Variants in TSC22D1 observed in about 807,000 individuals in gnomAD.
TSC22D1 encodes TSC22 domain family member 1.
A neutral mutation model predicts 74.2 loss-of-function variants in TSC22D1; 9 were observed. The observed-to-expected ratio is 0.12, with a 90% CI of 0.07 to 0.21. TSC22D1 has a LOEUF of 0.21. TSC22D1 is among the 10% of genes least tolerant of loss of function. The pLI is 1.00. For missense variants in TSC22D1, 1,427 were observed against 1,304.7 expected (o/e 1.09, Z -1.44); for synonymous variants, 586 against 492.5 (o/e 1.19, Z -2.51).
rs540504698 is a variant in TSC22D1, at chr13:44,467,999, C to T, written c.2913-31904G>A. On this transcript the variant is annotated intron_variant, in intron 1 of 2. Coordinates refer to ENST00000458659, the MANE Select transcript of TSC22D1 (RefSeq NM_183422.4). The stretch of plus-strand genomic sequence containing the variant: ...AATATGGGATCAACCTATACACACA[C>T]GCGCACACACACACACACACACAAT... Among the ~76,000 whole-genome samples, 509 of 119,540 alleles carry T rather than the reference C, an allele frequency of 4.3e-3. 2 individuals carry two copies. Among genetic ancestry groups the T allele is most frequent in the Non-Finnish European group, 5.0e-3 (263 of 52,640 alleles). 78.4% of individuals were successfully genotyped at this position (119,540 alleles called of 152,430 possible). A position where few individuals can be genotyped will look rare whatever the true frequency, so the allele number is the denominator to read the frequency against.
intron 1 of TSC22D1, among the ~76,000 whole-genome samples, chr13:44,555,887 T>C (rs1323274472): frequency 6.6e-6 from 1 of 152,202 alleles, no homozygotes; most frequent in East Asian, 1.9e-4. Flanking sequence ...TCTCCATGAA[T>C]GCTGACACTG....
rs34867283 is a variant in TSC22D1, at chr13:44,489,206, CAA to C, written c.2913-53113_2913-53112del. ...CTTTTGAGCCTTACCTCATTTCATG[CAA>C]AAAAAAAAAAAAAAATCAGAAGAAT... On this transcript the variant is annotated intron_variant, in intron 1 of 2. Transcript: ENST00000458659. Among the ~76,000 whole-genome samples, 314 of 134,674 alleles carry C rather than the reference CAA, an allele frequency of 2.3e-3. 1 individual carries two copies. Among genetic ancestry groups the C allele is most frequent in the East Asian group, 0.021 (99 of 4,776 alleles). 88.4% of individuals were successfully genotyped at this position (134,674 alleles called of 152,430 possible).
At chr13:44,513,412 A>G (rs971645035) in intron 1 of TSC22D1, among the ~76,000 whole-genome samples, 3 of 152,212 alleles carry the variant, frequency 2.0e-5, no homozygotes, top group Admixed American at 6.5e-5. Flanking sequence ...ACCAATTTAA[A>G]TCACTGCTAG....
At chr13:44,482,952 CAAG>C (rs1481039069) in intron 1 of TSC22D1, among the ~76,000 whole-genome samples, 1 of 152,120 alleles carries the variant, frequency 6.6e-6, no homozygotes, top group Non-Finnish European at 1.5e-5. Flanking sequence ...ATAAATGCAA[CAAG>C]TGCTAAAGCC....
intron 1 of TSC22D1, among the ~76,000 whole-genome samples, chr13:44,566,168 G>A (rs1466205877): frequency 6.6e-6 from 1 of 151,968 alleles, no homozygotes; most frequent in Non-Finnish European, 1.5e-5. Context: ...TAGGTTTTCA[G>A]ACACTCTTAA....
intron 1 of TSC22D1, among the ~76,000 whole-genome samples, chr13:44,507,386 T>C (rs1401423891): frequency 6.6e-6 from 1 of 151,722 alleles, no homozygotes; most frequent in Non-Finnish European, 1.5e-5. Context: ...GTCAGAGTAA[T>C]ACATTATACT....
At chr13:44,576,375 G>A (rs985446621), upstream of TSC22D1, 2 of 334,978 alleles carry the variant, frequency 6.0e-6, no homozygotes, top group Admixed American at 4.5e-5. Flanking sequence ...TTCACGTGGG[G>A]TGCGGGGCAG....
chr13:44,494,375 C>CAAAAAAAAAAAAAAAAAAAA lies in TSC22D1; in HGVS notation c.2913-58300_2913-58281dup, dbSNP rs57468850. Among the ~76,000 whole-genome samples, 8 of 26,462 alleles carry CAAAAAAAAAAAAAAAAAAAA rather than the reference C, an allele frequency of 3.0e-4. 3 individuals are homozygous for CAAAAAAAAAAAAAAAAAAAA. The highest frequency in any genetic ancestry group is 3.5e-4 in the Non-Finnish European group (6 of 16,934). 17.4% of individuals were successfully genotyped at this position (26,462 alleles called of 152,430 possible). On this transcript the variant is annotated intron_variant, in intron 1 of 2. Transcript: ENST00000458659. ...TGGGTGACAGACCAAGACTCCGTAT[C>CAAAAAAAAAAAAAAAAAAAA]AAAAAAAAAAAAAAAAAAAAAAAAA...
At chr13:44,571,847 G>A (rs1883786753) in intron 1 of TSC22D1, among the ~76,000 whole-genome samples, 1 of 151,998 alleles carries the variant, frequency 6.6e-6, no homozygotes, top group Non-Finnish European at 1.5e-5. Context: ...TAAAAATCTT[G>A]AAAGATAAGA....
chr13:44,454,832 A>C (rs553246679), intron 1 of TSC22D1, among the ~76,000 whole-genome samples: 2 of 141,666 alleles, frequency 1.4e-5, no homozygotes, highest in South Asian at 4.6e-4. Flanking sequence ...TGAAAAGCAA[A>C]AAATACTTCT....
At chr13:44,509,574 A>T (rs1879593984) in intron 1 of TSC22D1, among the ~76,000 whole-genome samples, 1 of 152,180 alleles carries the variant, frequency 6.6e-6, no homozygotes, top group Non-Finnish European at 1.5e-5. Context: ...CAGGAGGCGG[A>T]GGTTGCAGTG....
chr13:44,539,609 T>C, intron 1 of TSC22D1: 1 of 985,422 alleles, frequency 1.0e-6, no homozygotes, highest in African/African-American at 1.7e-5. Flanking sequence ...GGTCTCATTT[T>C]TGAATGAGTA....
chr13:44,528,500 T>C (rs928861478), intron 1 of TSC22D1, among the ~76,000 whole-genome samples: 15 of 151,902 alleles, frequency 9.9e-5, no homozygotes, highest in African/African-American at 3.1e-4. Context: ...TAAATGAAAA[T>C]AAAAATAGTT....
At chr13:44,539,495 G>A (rs916325624) in intron 1 of TSC22D1, 1 of 985,254 alleles carries the variant, frequency 1.0e-6, no homozygotes, top group African/African-American at 1.7e-5. Context: ...AAAATGGGTA[G>A]ATATTCCCGT....
At chr13:44,449,661 A>G (rs1350331917) in intron 1 of TSC22D1, among the ~76,000 whole-genome samples, 1 of 151,892 alleles carries the variant, frequency 6.6e-6, no homozygotes, top group Non-Finnish European at 1.5e-5. Context: ...CCATGATTAA[A>G]TAAGGGTAAG....
At chr13:44,473,887 A>G (rs766746471) in intron 1 of TSC22D1, among the ~76,000 whole-genome samples, 6 of 152,232 alleles carry the variant, frequency 3.9e-5, no homozygotes, top group Non-Finnish European at 8.8e-5. Context: ...AATGGCTTCA[A>G]CTGAGGAGTC....
intron 1 of TSC22D1, among the ~76,000 whole-genome samples, chr13:44,561,190 C>T (rs1322394533): frequency 6.6e-6 from 1 of 152,170 alleles, no homozygotes; most frequent in East Asian, 1.9e-4. Context: ...GGACTGGGTC[C>T]TAACCTCCTT....
chr13:44,573,958 G>A lies in TSC22D1; in HGVS notation c.2117C>T (p.Ala706Val), dbSNP rs1439160053. Residue 706 changes from alanine to valine, a missense_variant, in exon 1 of 3, where the codon GCA (alanine) becomes GTA (valine). Around this residue, in one of 3 missense-constraint regions of TSC22D1, gnomAD observed 1,343 missense variants for 1,191.5 expected, o/e 1.13. Coordinates refer to ENST00000458659, the MANE Select transcript of TSC22D1 (RefSeq NM_183422.4). The stretch of plus-strand genomic sequence containing the variant: ...GCCAACAGGCTGGACAGATGCCCCT[G>A]CAGGTTGTGCTGGGACTGCTGTGGG... ...VQPTAVPAQP[A>V]GASVQPVGQA... The A allele has an allele frequency of 6.2e-7, 1 of 1,614,102 alleles. No homozygotes were observed. Among genetic ancestry groups the A allele is most frequent in the African/African-American group, 1.3e-5 (1 of 75,068 alleles).
At chr13:44,437,769 C>A (rs935429280) in intron 1 of TSC22D1, among the ~76,000 whole-genome samples, 1 of 152,192 alleles carries the variant, frequency 6.6e-6, no homozygotes, top group Non-Finnish European at 1.5e-5. Flanking sequence ...CTTCTTACAT[C>A]AGAGGGATTG....
Sources: allele counts gnomAD v4.1 joint callset (sites outside exome capture counted in the v4.1 genomes callset), GRCh38; gene constraint gnomAD v4.1.1; regional missense constraint gnomAD v4.1.1; transcripts MANE v1.5; gene names NCBI Gene and HGNC (gene_info 2026-07-23, HGNC 2026-07-21).